The following BBS9 variants were observed in gnomAD, a reference collection of about 807,000 sequenced individuals.
The protein encoded by BBS9 is Bardet-Biedl syndrome 9.
Under a neutral mutation model 117.7 loss-of-function variants are expected in BBS9, and 89 were observed. The ratio of observed to expected loss-of-function variants is 0.76; its 90% confidence interval spans 0.64 to 0.90. BBS9 has a LOEUF of 0.90. Among genes scored for constraint, BBS9 ranks in the 40% least tolerant of loss-of-function variants. The pLI is 0.00. For synonymous variants in BBS9, 379 were observed against 370.9 expected (o/e 1.02, Z -0.25); for missense variants, 982 against 1,042.2 (o/e 0.94, Z 0.80).
intron 19 of BBS9, among the ~76,000 whole-genome samples, chr7:33,466,927 C>T (rs1417109425): frequency 1.3e-5 from 2 of 151,956 alleles, no homozygotes; most frequent in East Asian, 1.9e-4. Flanking sequence ...AAGGGTGAGC[C>T]GGTTTCTGAT....
At chr7:33,439,107 G>C (rs947296059) in intron 19 of BBS9, among the ~76,000 whole-genome samples, 1 of 152,148 alleles carries the variant, frequency 6.6e-6, no homozygotes, top group Admixed American at 6.5e-5. Flanking sequence ...CTAAAGCCTG[G>C]GGCCAGCTCA....
At position 33,273,812 on chromosome 7, in the gene BBS9, A is replaced by AT; in HGVS notation, c.887-11dup. ...TGTTTTCTTAGTGTCTCTTTTCTGTATTTTCAACTTACAGTTTCTGAAGGA... is the reference window on the plus strand; with the variant it reads ...TGTTTTCTTAGTGTCTCTTTTCTGTATTTTTCAACTTACAGTTTCTGAAGGA... On this transcript the variant is annotated splice_polypyrimidine_tract_variant and intron_variant, in intron 8 of 22. Coordinates refer to ENST00000242067, the MANE Select transcript of BBS9 (RefSeq NM_198428.3). 2 of 1,604,312 alleles carry AT rather than the reference A, an allele frequency of 1.2e-6. No individual in the cohort carries two copies. Among genetic ancestry groups the AT allele is most frequent in the Non-Finnish European group, 1.7e-6 (2 of 1,172,380 alleles).
At chr7:33,324,582 T>A (rs1812446419) in intron 9 of BBS9, among the ~76,000 whole-genome samples, 1 of 151,252 alleles carries the variant, frequency 6.6e-6, no homozygotes, top group Admixed American at 6.6e-5. Flanking sequence ...GATGATTTCT[T>A]ATTGCTAGTT....
chr7:33,155,875 G>C (rs1376990550), intron 4 of BBS9, among the ~76,000 whole-genome samples, 173 bp downstream of exon 4: 2 of 151,866 alleles, frequency 1.3e-5, no homozygotes, highest in African/African-American at 2.4e-5. Context: ...AGATACTTAG[G>C]CTATTACATT....
At chr7:33,238,221 C>T (rs1000806719) in intron 5 of BBS9, among the ~76,000 whole-genome samples, 3 of 152,148 alleles carry the variant, frequency 2.0e-5, no homozygotes, top group African/African-American at 7.2e-5. Context: ...CTTTGATCAT[C>T]ATGTCCCATG....
In BBS9 at chr7:33,351,333, C is replaced by T. The variant is rs1379987316; in HGVS notation, c.1537+10C>T. 2 of 1,539,592 alleles carry T rather than the reference C, an allele frequency of 1.3e-6. No individual in the cohort carries two copies. The highest frequency in any genetic ancestry group is 1.8e-6 in the Non-Finnish European group (2 of 1,112,264). On this transcript the variant is annotated intron_variant, in intron 14 of 22. Transcript: ENST00000242067. ...TATTCCAGACCAACAGGTAAACATA[C>T]AGGCTTAATCATTACTTTAAGTTGT...
chr7:33,161,432 C>T (rs1172797188), intron 4 of BBS9, among the ~76,000 whole-genome samples: 1 of 152,116 alleles, frequency 6.6e-6, no homozygotes, highest in African/African-American at 2.4e-5. Context: ...CATCCATGTC[C>T]CTGCAAAGGA....
chr7:33,330,956 A>G (rs952269397), intron 9 of BBS9, among the ~76,000 whole-genome samples: 2 of 152,184 alleles, frequency 1.3e-5, no homozygotes, highest in African/African-American at 4.8e-5. Flanking sequence ...TCATTCATAG[A>G]ACCTTACTTA....
At chr7:33,268,577 C>T (rs943493713) in intron 7 of BBS9, among the ~76,000 whole-genome samples, 8 of 152,118 alleles carry the variant, frequency 5.3e-5, no homozygotes, top group Admixed American at 2.0e-4. Context: ...TCCACTTTGT[C>T]GTTGTTTTAG....
intron 21 of BBS9, among the ~76,000 whole-genome samples, chr7:33,603,422 C>T (rs1864097510): frequency 6.6e-6 from 1 of 152,106 alleles, no homozygotes; most frequent in Non-Finnish European, 1.5e-5. Context: ...TTTTGGGCCT[C>T]TCCAAAGGTC....
intron 21 of BBS9, among the ~76,000 whole-genome samples, chr7:33,600,091 C>A (rs1863562678): frequency 6.6e-6 from 1 of 152,126 alleles, no homozygotes; most frequent in Non-Finnish European, 1.5e-5. Flanking sequence ...ATTTTTAACC[C>A]TAATTCTACA....
In BBS9 at chr7:33,595,276, A is replaced by G. The variant is rs185306957; in HGVS notation, c.2522-9589A>G. On this transcript the variant is annotated intron_variant, in intron 21 of 22. Transcript: ENST00000242067. ...ACAGGCAATGTACAGAATAGGAGAAAATTTTTGCAATCTACCCATCTGACA... is the reference window on the plus strand; with the variant it reads ...ACAGGCAATGTACAGAATAGGAGAAGATTTTTGCAATCTACCCATCTGACA... 2.6e-3 allele frequency among the ~76,000 whole-genome samples: 395 copies of G among 152,312 alleles called. 3 individuals are homozygous for G. Among genetic ancestry groups the G allele is most frequent in the African/African-American group, 8.9e-3 (370 of 41,564 alleles).
At chr7:33,632,420 G>A (rs1026193922) in intron 21 of BBS9, among the ~76,000 whole-genome samples, 2 of 152,200 alleles carry the variant, frequency 1.3e-5, no homozygotes, top group Non-Finnish European at 2.9e-5. Context: ...AGCCACAAGT[G>A]AGCACCGCCT....
intron 19 of BBS9, among the ~76,000 whole-genome samples, chr7:33,403,303 CTTTATT>C (rs1829271869): frequency 6.8e-6 from 1 of 148,028 alleles, no homozygotes; most frequent in Non-Finnish European, 1.5e-5. Flanking sequence ...TTGAGTTTTA[CTTTATT>C]TTTTTTTATT....
downstream of BBS9, among the ~76,000 whole-genome samples, chr7:33,610,777 T>G (rs895617501): frequency 2.6e-5 from 4 of 152,112 alleles, no homozygotes; most frequent in African/African-American, 9.7e-5. Flanking sequence ...AGCTTTGGGC[T>G]CAAATGTAAG....
intron 10 of BBS9, among the ~76,000 whole-genome samples, chr7:33,337,935 G>A (rs1421671815): frequency 2.0e-5 from 3 of 151,608 alleles, no homozygotes; most frequent in Non-Finnish European, 4.4e-5. Context: ...ATAATATTTT[G>A]ATTAACATTA....
intron 21 of BBS9, among the ~76,000 whole-genome samples, chr7:33,581,283 C>T (rs1193266926): frequency 1.3e-5 from 2 of 152,048 alleles, no homozygotes; most frequent in Non-Finnish European, 2.9e-5. Flanking sequence ...AGAGTAAGTT[C>T]TTCTCACTGG....
At chr7:33,166,643 C>T (rs1402338293) in intron 4 of BBS9, among the ~76,000 whole-genome samples, 2 of 152,222 alleles carry the variant, frequency 1.3e-5, no homozygotes, top group Non-Finnish European at 2.9e-5. Context: ...GAGCAAGGCT[C>T]CATGGGCGTG....
At chr7:33,415,037 TTTATC>T in intron 19 of BBS9, among the ~76,000 whole-genome samples, 1 of 152,234 alleles carries the variant, frequency 6.6e-6, no homozygotes, top group Non-Finnish European at 1.5e-5. Context: ...CTTCCTACCC[TTTATC>T]TTGATGGTTG....
Sources: allele counts gnomAD v4.1 joint callset (sites outside exome capture counted in the v4.1 genomes callset), GRCh38; gene constraint gnomAD v4.1.1; transcripts MANE v1.5; gene names NCBI Gene and HGNC (gene_info 2026-07-23, HGNC 2026-07-21).